Variants in PLEKHM3 observed in about 807,000 individuals in gnomAD.
PLEKHM3 encodes the protein pleckstrin homology domain-containing family M member 3.
In PLEKHM3, 45 loss-of-function variants were observed where a neutral mutation model predicts 81.8. That is an observed-to-expected ratio of 0.55 (90% CI 0.43 to 0.71). PLEKHM3 has a LOEUF of 0.71. Among genes scored for constraint, PLEKHM3 ranks in the 30% least tolerant of loss-of-function variants. The probability of loss-of-function intolerance (pLI) is 0.00; values close to 1 mark genes in which losing one functional copy is unlikely to be tolerated. For synonymous variants in PLEKHM3, 352 were observed against 356.4 expected, an observed-to-expected ratio of 0.99 and a Z score of 0.14; for missense variants, 788 against 924.3, an observed-to-expected ratio of 0.85 and a Z score of 1.91.
intron 6 of PLEKHM3, among the ~76,000 whole-genome samples, chr2:207,897,298 T>G (rs766117398): frequency 2.0e-5 from 3 of 152,148 alleles, no homozygotes; most frequent in African/African-American, 7.2e-5. Context: ...TGTGGTTTAG[T>G]GTCCACAGAT....
intron 3 of PLEKHM3, among the ~76,000 whole-genome samples, chr2:207,954,678 T>C (rs558441091): frequency 1.4e-4 from 21 of 152,368 alleles, no homozygotes; most frequent in Admixed American, 1.2e-3. Flanking sequence ...AAGAGTTATT[T>C]GGGTTTTCCC....
chr2:207,881,795 C>T (rs765363814), intron 6 of PLEKHM3, among the ~76,000 whole-genome samples: 2 of 152,120 alleles, frequency 1.3e-5, no homozygotes, highest in African/African-American at 2.4e-5. Flanking sequence ...CCTACTCTTT[C>T]CAGTGAAAAT....
At chr2:207,993,485 T>A (rs1455940105) in intron 2 of PLEKHM3, among the ~76,000 whole-genome samples, 1 of 149,674 alleles carries the variant, frequency 6.7e-6, no homozygotes, top group Non-Finnish European at 1.5e-5. Flanking sequence ...CATTTTAGTA[T>A]AAGTCCCAAA....
intron 2 of PLEKHM3, among the ~76,000 whole-genome samples, chr2:207,991,365 C>T (rs1691895353): frequency 6.6e-6 from 1 of 152,228 alleles, no homozygotes; most frequent in South Asian, 2.1e-4. Context: ...AGAAATCCCA[C>T]TAGCACATCC....
At chr2:208,012,006 C>G (rs1386642338) in intron 1 of PLEKHM3, among the ~76,000 whole-genome samples, 1 of 151,178 alleles carries the variant, frequency 6.6e-6, no homozygotes, top group Non-Finnish European at 1.5e-5. Flanking sequence ...TCATATTGGC[C>G]AGGCTGGTCT....
intron 4 of PLEKHM3, among the ~76,000 whole-genome samples, chr2:207,943,760 T>C (rs1019404959): frequency 1.4e-5 from 2 of 147,132 alleles, no homozygotes; most frequent in Non-Finnish European, 3.0e-5. Context: ...CCCAGCTACT[T>C]GGGAGGCTGA....
intron 6 of PLEKHM3, among the ~76,000 whole-genome samples, chr2:207,903,773 A>G (rs1256989010): frequency 6.6e-6 from 1 of 152,212 alleles, no homozygotes; most frequent in African/African-American, 2.4e-5. Context: ...TAAAAGTGCC[A>G]AGGGGATGTG....
intron 1 of PLEKHM3, among the ~76,000 whole-genome samples, chr2:208,024,179 A>AAATAAAATAAAATAAAATAAC (rs1421719601): frequency 6.6e-6 from 1 of 151,512 alleles, no homozygotes; most frequent in African/African-American, 2.4e-5. Context: ...AAATAAAATA[A>AAATAAAATAAAATAAAATAAC]AATAACAATA....
chr2:207,906,188 ATAGAGTCTGTGTCC>A (rs1243337484), intron 6 of PLEKHM3, among the ~76,000 whole-genome samples: 1 of 152,178 alleles, frequency 6.6e-6, no homozygotes, highest in Non-Finnish European at 1.5e-5. Context: ...TTCTCAAATG[ATAGAGTCTGTGTCC>A]TCAGGCACTA....
chr2:207,831,622 T>A (rs965749267), intron 7 of PLEKHM3, among the ~76,000 whole-genome samples: 5 of 152,238 alleles, frequency 3.3e-5, no homozygotes, highest in African/African-American at 1.2e-4. Context: ...GTGGAAGGAC[T>A]ACGCAAAGGC....
chr2:207,871,695 C>T (rs919752261), intron 6 of PLEKHM3, among the ~76,000 whole-genome samples: 9 of 152,028 alleles, frequency 5.9e-5, no homozygotes, highest in Non-Finnish European at 1.2e-4. Flanking sequence ...TTTAGTTAAA[C>T]CACAACTCCA....
intron 6 of PLEKHM3, among the ~76,000 whole-genome samples, chr2:207,892,821 C>T (rs573485479): frequency 6.6e-6 from 1 of 152,328 alleles, no homozygotes; most frequent in African/African-American, 2.4e-5. Flanking sequence ...ACCTCACAGT[C>T]GCCGAGTTCC....
At chr2:207,859,776 T>TTA (rs2092457279) in intron 7 of PLEKHM3, among the ~76,000 whole-genome samples, 1 of 152,036 alleles carries the variant, frequency 6.6e-6, no homozygotes, top group Non-Finnish European at 1.5e-5. Flanking sequence ...TTTTGTATCT[T>TTA]TAGTAGAGAC....
intron 6 of PLEKHM3, among the ~76,000 whole-genome samples, chr2:207,898,867 G>A (rs2105884507): frequency 6.6e-6 from 1 of 152,200 alleles, no homozygotes; most frequent in South Asian, 2.1e-4. Flanking sequence ...CTGCACTCCA[G>A]CCTGGCCAGC....
intron 3 of PLEKHM3, among the ~76,000 whole-genome samples, chr2:207,970,059 AC>A (rs1691058581): frequency 6.6e-6 from 1 of 152,138 alleles, no homozygotes; most frequent in African/African-American, 2.4e-5. Context: ...TAAACAGAGT[AC>A]GGGGAGAGGA....
chr2:207,902,349 TGAA>T (rs1160439693), intron 6 of PLEKHM3, among the ~76,000 whole-genome samples: 2 of 152,344 alleles, frequency 1.3e-5, no homozygotes, highest in Admixed American at 6.5e-5. Flanking sequence ...ATCACTTCCT[TGAA>T]GAAGAATTCA....
intron 2 of PLEKHM3, among the ~76,000 whole-genome samples, chr2:207,995,910 A>G (rs1209935220): frequency 6.6e-6 from 1 of 152,210 alleles, no homozygotes; most frequent in Non-Finnish European, 1.5e-5. Flanking sequence ...ATAATCTTCT[A>G]TAAAGAAACA....
At position 207,844,993 on chromosome 2, in the gene PLEKHM3, G is replaced by A. The variant is rs182426713; in HGVS notation, c.2108+16112C>T. Among the ~76,000 whole-genome samples, 15 of 152,306 alleles carry A rather than the reference G, an allele frequency of 9.8e-5. No individual in the cohort carries two copies. In the East Asian group the frequency reaches 2.5e-3, roughly 25 times the overall value. ...GCTCTAGTATAATTTTGTACAGAGG[G>A]TTAACATGGGCTGCACCTTTCTCTC... is the stretch of plus-strand genomic sequence containing the variant. On this transcript the variant is annotated intron_variant, in intron 7 of 7. Transcript: ENST00000427836.
intron 3 of PLEKHM3, among the ~76,000 whole-genome samples, chr2:207,968,253 A>G (rs1294378669): frequency 2.6e-5 from 4 of 152,066 alleles, no homozygotes; most frequent in South Asian, 2.1e-4. Flanking sequence ...TTCCTCTTGT[A>G]TCTCCCAGAG....
Sources: gnomAD v4.1 joint callset for allele counts (sites outside exome capture counted in the v4.1 genomes callset) on GRCh38, gnomAD v4.1.1 for gene constraint, MANE v1.5 for transcripts, NCBI Gene and HGNC (gene_info 2026-07-23, HGNC 2026-07-21) for gene names.